Variants in TRPC6 observed in about 807,000 individuals in gnomAD.
TRPC6 encodes short transient receptor potential channel 6.
Under a neutral mutation model 90.7 loss-of-function variants are expected in TRPC6, and 55 were observed. That is an observed-to-expected ratio of 0.61 (90% CI 0.49 to 0.76). The LOEUF (loss-of-function observed/expected upper bound fraction) is 0.76, where lower values mean the gene tolerates loss of function less well. TRPC6 is among the 30% of genes least tolerant of loss of function. The pLI is 0.00. For synonymous variants in TRPC6, 393 were observed against 393.0 expected (o/e 1.00, Z 0.00); for missense variants, 989 against 1,122.7 (o/e 0.88, Z 1.70).
At chr11:101,552,619 G>A (rs984754714) in intron 1 of TRPC6, among the ~76,000 whole-genome samples, 1 of 151,986 alleles carries the variant, frequency 6.6e-6, no homozygotes, top group Non-Finnish European at 1.5e-5. Context: ...ACTGGTTTAT[G>A]ATCCAACAAC....
chr11:101,514,566 C>A (rs1206589189), intron 1 of TRPC6, among the ~76,000 whole-genome samples: 1 of 152,192 alleles, frequency 6.6e-6, no homozygotes, highest in Non-Finnish European at 1.5e-5. Context: ...CCATCCCCAA[C>A]AGGATTTCTG....
At chr11:101,455,313 G>A (rs1185627928) in intron 10 of TRPC6, 1 of 501,470 alleles carries the variant, frequency 2.0e-6, no homozygotes, top group East Asian at 3.5e-5. Flanking sequence ...GTTAGAGGTT[G>A]TCTGAGGAGT....
intron 1 of TRPC6, among the ~76,000 whole-genome samples, chr11:101,514,483 C>G (rs946702511): frequency 2.6e-5 from 4 of 152,158 alleles, no homozygotes; most frequent in African/African-American, 9.7e-5. Context: ...CAGAGAAAAT[C>G]ACAGTTGTTT....
rs117175725 is a variant in TRPC6, at chr11:101,459,376, C to T, written c.2485-4275G>A. On this transcript the variant is annotated intron_variant, in intron 10 of 12. Transcript: ENST00000344327. The stretch of plus-strand genomic sequence containing the variant: ...GGGAACGGCACATCTCTGTAGCTGC[C>T]AGAAGACACACTTACACAAAAGGCT... Among the ~76,000 whole-genome samples, 156 of 152,258 alleles carry T rather than the reference C, an allele frequency of 1.0e-3. 1 individual carries two copies. The East Asian group carries it at 0.029, about 28-fold the overall frequency.
intron 1 of TRPC6, among the ~76,000 whole-genome samples, chr11:101,545,368 T>G (rs187855097): frequency 3.9e-5 from 6 of 152,304 alleles, no homozygotes; most frequent in African/African-American, 1.4e-4. Flanking sequence ...CTACCCCATT[T>G]TATATCAGGG....
At chr11:101,581,129 G>A (rs1233352265) in intron 1 of TRPC6, among the ~76,000 whole-genome samples, 2 of 152,146 alleles carry the variant, frequency 1.3e-5, no homozygotes, top group Non-Finnish European at 2.9e-5. Context: ...TAGTACCTCT[G>A]ACATCACGCA....
intron 4 of TRPC6, among the ~76,000 whole-genome samples, chr11:101,487,779 T>C (rs940439936): frequency 3.9e-5 from 6 of 152,154 alleles, no homozygotes; most frequent in African/African-American, 1.4e-4. Flanking sequence ...GGGGAAAATA[T>C]CTATGATGAT....
At chr11:101,577,999 TTCATTA>T in intron 1 of TRPC6, among the ~76,000 whole-genome samples, 1 of 65,160 alleles carries the variant, frequency 1.5e-5, no homozygotes, top group Admixed American at 1.4e-4. Flanking sequence ...CAGATGCTAT[TTCATTA>T]AAGTAGCTGG....
At position 101,500,210 on chromosome 11, in the gene TRPC6, C is replaced by CTTTT. The variant is rs373591780; in HGVS notation, c.945+3813_945+3814insAAAA. ...ATTTTTCAAAATGTGTATTTTTTTT[C>CTTTT]TTTCTTTTTTTTTTTTGAGACGGAG... is the stretch of plus-strand genomic sequence containing the variant. On this transcript the variant is annotated intron_variant, in intron 2 of 12. Coordinates refer to ENST00000344327, the MANE Select transcript of TRPC6 (RefSeq NM_004621.6). Among the ~76,000 whole-genome samples the CTTTT allele has an allele frequency of 6.6e-4, 91 of 137,684 alleles. 5 individuals are homozygous for CTTTT. The highest frequency in any genetic ancestry group is 1.4e-3 in the African/African-American group (52 of 36,098). The allele number at this position is 137,684 out of a possible 152,430, so 90.3% of individuals were successfully genotyped here. A position where few individuals can be genotyped will look rare whatever the true frequency, so the allele number is the denominator to read the frequency against.
chr11:101,507,037 AC>A (rs1407783589), intron 1 of TRPC6, among the ~76,000 whole-genome samples: 3 of 150,656 alleles, frequency 2.0e-5, no homozygotes, highest in African/African-American at 7.4e-5. Context: ...ACACACACAC[AC>A]ACACACACAC....
At chr11:101,463,629 G>C (rs373828174) in intron 10 of TRPC6, among the ~76,000 whole-genome samples, 5 of 152,264 alleles carry the variant, frequency 3.3e-5, no homozygotes, top group South Asian at 4.1e-4. Context: ...ATGGCAGTTT[G>C]TATTTCTGTG....
At chr11:101,534,880 G>C (rs185024433) in intron 1 of TRPC6, among the ~76,000 whole-genome samples, 15 of 152,230 alleles carry the variant, frequency 9.9e-5, no homozygotes, top group Admixed American at 6.5e-4. Context: ...AACACAAACT[G>C]GGCTGGGCGT....
Position 101,504,652 on chromosome 11 carries a change from G to C in TRPC6, c.317C>G (p.Ala106Gly). Residue 106 changes from alanine (A) to glycine (G), a missense_variant, in exon 2 of 13, where the codon GCT (alanine) becomes GGT (glycine). Ala to Gly is a moderately conservative substitution (Grantham distance 60, BLOSUM62 0). This residue lies in a region of TRPC6 where 486 missense variants were observed against 591.9 expected (regional missense o/e 0.82). Coordinates refer to ENST00000344327, the MANE Select transcript of TRPC6 (RefSeq NM_004621.6). ...CACCACTGGGATGTTACCATATTCAGCTGCATCCAAAAAGCGTTCCTCCTC... is the reference window on the plus strand; with the variant it reads ...CACCACTGGGATGTTACCATATTCACCTGCATCCAAAAAGCGTTCCTCCTC... ...SIEEERFLDA[A>G]EYGNIPVVRK... 4 of 1,607,304 alleles carry C rather than the reference G, an allele frequency of 2.5e-6. No individual in the cohort carries two copies. Among genetic ancestry groups the C allele is most frequent in the Non-Finnish European group, 2.6e-6 (3 of 1,175,714 alleles).
intron 4 of TRPC6, 134 bp downstream of exon 4, chr11:101,488,803 T>C (rs888441570): frequency 1.0e-6 from 1 of 954,526 alleles, no homozygotes; most frequent in East Asian, 2.4e-5. Context: ...GGAATTATTT[T>C]GTAATGTTAA....
At chr11:101,536,783 T>C (rs565279244) in intron 1 of TRPC6, among the ~76,000 whole-genome samples, 10 of 152,206 alleles carry the variant, frequency 6.6e-5, no homozygotes, top group African/African-American at 1.4e-4. Context: ...TGGGATGTCA[T>C]TGATGAGTTT....
At chr11:101,541,018 C>A (rs1309767031) in intron 1 of TRPC6, among the ~76,000 whole-genome samples, 2 of 152,150 alleles carry the variant, frequency 1.3e-5, no homozygotes, top group Admixed American at 1.3e-4. Context: ...AGAAATGCAG[C>A]TACACAAGTC....
At chr11:101,559,170 A>AAAACC (rs1861655277) in intron 1 of TRPC6, among the ~76,000 whole-genome samples, 1 of 152,168 alleles carries the variant, frequency 6.6e-6, no homozygotes, top group Admixed American at 6.6e-5. Flanking sequence ...AAAACAAAAC[A>AAAACC]AAACACAGAT....
chr11:101,488,249 A>G (rs1339938347), intron 4 of TRPC6, among the ~76,000 whole-genome samples: 1 of 152,228 alleles, frequency 6.6e-6, no homozygotes, highest in Non-Finnish European at 1.5e-5. Context: ...TGATAGGTCA[A>G]TATTTCTCAA....
chr11:101,527,085 A>G (rs895413302), intron 1 of TRPC6, among the ~76,000 whole-genome samples: 1 of 152,034 alleles, frequency 6.6e-6, no homozygotes, highest in African/African-American at 2.4e-5. Flanking sequence ...CACTACTAAC[A>G]CTGGAGAAGA....
Sources: allele counts gnomAD v4.1 joint callset (sites outside exome capture counted in the v4.1 genomes callset), GRCh38; gene constraint gnomAD v4.1.1; regional missense constraint gnomAD v4.1.1; transcripts MANE v1.5; gene names NCBI Gene and HGNC (gene_info 2026-07-23, HGNC 2026-07-21).